The following NDST2 variants were observed in gnomAD, a reference collection of about 807,000 sequenced individuals.
The protein encoded by NDST2 is N-deacetylase and N-sulfotransferase 2.
In NDST2, 32 loss-of-function variants were observed where a neutral mutation model predicts 86.9. That is an observed-to-expected ratio of 0.37 (90% CI 0.28 to 0.49). The LOEUF (loss-of-function observed/expected upper bound fraction) is 0.49. Among genes scored for constraint, NDST2 ranks in the 20% least tolerant of loss-of-function variants. The pLI is 0.97. For synonymous variants in NDST2, 409 were observed against 437.0 expected (o/e 0.94, Z 0.80); for missense variants, 950 against 1,146.9 (o/e 0.83, Z 2.48).
Position 73,802,654 on chromosome 10 carries a change from C to CA in NDST2, c.2526+19_2526+20insT. On this transcript the variant is annotated intron_variant, in intron 14 of 14. Transcript: ENST00000309979. ...ATCCTGGAAGTGGAGAGGGATTCCC[C>CA]TGCCCCTGGCTTTACTTACCTCAGT... The CA allele has an allele frequency of 6.2e-7, 1 of 1,614,122 alleles. No individual in the cohort carries two copies. Among genetic ancestry groups the CA allele is most frequent in the Non-Finnish European group, 8.5e-7 (1 of 1,179,948 alleles).
intron 14 of NDST2, 29 bp from the exon 15 acceptor site, chr10:73,802,605 G>GT: frequency 1.9e-6 from 3 of 1,614,212 alleles, no homozygotes; most frequent in Non-Finnish European, 2.5e-6. Context: ...GGCAGAAATG[G>GT]TAAGAAGTGG....
chr10:73,804,370 G>T (rs1044844644), intron 9 of NDST2, among the ~76,000 whole-genome samples: 2 of 152,190 alleles, frequency 1.3e-5, no homozygotes, highest in African/African-American at 4.8e-5. Flanking sequence ...GCCGGGTGCG[G>T]TGGCTCATGC....
At chr10:73,805,874 T>C (rs2084093469) in intron 7 of NDST2, 26 bp downstream of exon 7, 1 of 1,614,062 alleles carries the variant, frequency 6.2e-7, no homozygotes, top group African/African-American at 1.3e-5. Flanking sequence ...TCTCCAATCT[T>C]CTAGCCGTTC....
Position 73,802,098 on chromosome 10 carries a change from G to A in NDST2, c.*353C>T. 2.6e-6 allele frequency: 1 copy of A among 383,300 alleles called. No individual in the cohort carries two copies. The highest frequency in any genetic ancestry group is 6.2e-5 in the East Asian group (1 of 16,222). 23.7% of individuals were successfully genotyped at this position (383,300 alleles called of 1,614,324 possible). A position where few individuals can be genotyped will look rare whatever the true frequency, so the allele number is the denominator to read the frequency against. The stretch of plus-strand genomic sequence containing the variant: ...GCAAGGGGTCCCTCCCATGCAAGGG[G>A]TCTCTCCCATAGCCAGGTATAGAAT... On this transcript the variant is annotated 3_prime_UTR_variant, in exon 15 of 15. Coordinates refer to ENST00000309979, the MANE Select transcript of NDST2 (RefSeq NM_003635.4).
chr10:73,805,560 T>G (rs1565097284), intron 8 of NDST2, 27 bp downstream of exon 8: 1 of 1,610,500 alleles, frequency 6.2e-7, no homozygotes, highest in Non-Finnish European at 8.5e-7. Flanking sequence ...CTATCATGTC[T>G]CTCATCAGAC....
Position 73,802,159 on chromosome 10 carries a change from T to G in NDST2, c.*292A>C, listed in dbSNP as rs1332820113. On this transcript the variant is annotated 3_prime_UTR_variant, in exon 15 of 15. Coordinates refer to ENST00000309979, the MANE Select transcript of NDST2 (RefSeq NM_003635.4). ...CTGCGGATGAAGAGGGAAATCTCAT[T>G]GGACTAATACATTCCCCTACACCCT... is the stretch of plus-strand genomic sequence containing the variant. 5 of 505,500 alleles carry G rather than the reference T, an allele frequency of 9.9e-6. No individual in the cohort carries two copies. Among genetic ancestry groups the G allele is most frequent in the Non-Finnish European group, 1.8e-5 (5 of 282,086 alleles). The allele number at this position is 505,500 out of a possible 1,614,324, so 31.3% of individuals were successfully genotyped here. A position where few individuals can be genotyped will look rare whatever the true frequency, so the allele number is the denominator to read the frequency against.
In NDST2 at chr10:73,806,105, G is replaced by A; in HGVS notation, c.1435-77C>T. ...GATGGAGGACACTGGGATTTATAGA[G>A]GACTGAGTCTGAAGTTATAGCAATA... On this transcript the variant is annotated intron_variant, in intron 6 of 14. Coordinates refer to ENST00000309979, the MANE Select transcript of NDST2 (RefSeq NM_003635.4). This position sits in a 1 kb window ranked among gnomAD's most constrained non-coding sequence, Gnocchi z 4.5. 6.4e-7 allele frequency: 1 copy of A among 1,574,620 alleles called. No homozygotes were observed.
Position 73,806,527 on chromosome 10 carries a change from G to A in NDST2, c.1249-53C>T. ...ACCTGGTGAGGTTTGGGGAGTAGAG[G>A]GTAAAGAGGGTGGGGAAGCCTCCAA... On this transcript the variant is annotated intron_variant, in intron 5 of 14. Coordinates refer to ENST00000309979, the MANE Select transcript of NDST2 (RefSeq NM_003635.4). This position sits in a 1 kb window ranked among gnomAD's most constrained non-coding sequence, Gnocchi z 4.5. The A allele has an allele frequency of 6.4e-7, 1 of 1,552,798 alleles. No individual in the cohort carries two copies. The highest frequency in any genetic ancestry group is 8.7e-7 in the Non-Finnish European group (1 of 1,145,104).
Position 73,805,726 on chromosome 10 carries a change from C to A in NDST2, c.1607G>T (p.Arg536Leu). 6.2e-7 allele frequency: 1 copy of A among 1,614,164 alleles called. No individual in the cohort carries two copies. Among genetic ancestry groups the A allele is most frequent in the Non-Finnish European group, 8.5e-7 (1 of 1,180,028 alleles). ...MTHLSNYGND[R>L]LGLYTFESLV... ...GCTCTCAAAGGTGTATAGGCCCAGC[C>A]GGTCATTTCCATAATTGGACAGATG... is the stretch of plus-strand genomic sequence containing the variant. Residue 536 changes from arginine to leucine, a missense_variant, in exon 8 of 15, where the codon CGG (arginine) becomes CTG (leucine). This residue lies in a region of NDST2 where 586 missense variants were observed against 714.0 expected (regional missense o/e 0.82). Transcript: ENST00000309979.
Position 73,807,599 on chromosome 10 carries a change from T to A in NDST2, c.790A>T (p.Thr264Ser), listed in dbSNP as rs760402064. 58 of 1,614,062 alleles carry A rather than the reference T, an allele frequency of 3.6e-5. No homozygotes were observed. Among genetic ancestry groups the A allele is most frequent in the Non-Finnish European group, 4.9e-5 (58 of 1,180,004 alleles). The stretch of plus-strand genomic sequence containing the variant: ...TGAAGCCCCAGGTCCTGTACCACAG[T>A]GGGAAGCCGGGCCCGACGAAGAACT... ...GPVLRRARLP[T>S]VVQDLGLHDG... Residue 264 changes from threonine (T) to serine (S), a missense_variant, in exon 3 of 15, where the codon ACT becomes TCT. Thr to Ser is a moderately conservative substitution (Grantham distance 58, BLOSUM62 1). This residue lies in a region of NDST2 where 586 missense variants were observed against 714.0 expected (regional missense o/e 0.82). Transcript: ENST00000309979.
At position 73,805,768 on chromosome 10, in the gene NDST2, A is replaced by G; in HGVS notation, c.1565T>C (p.Ile522Thr). ...ELFLTVLLNP[I>T]SIFMTHLSNY... is the part of the protein sequence containing the mutation. ...GGACAGATGGGTCATAAAGATGCTG[A>G]TCTGTAAGGGGTACCTGCATGTCAG... The change falls in exon 8 of 15, where the codon ATC becomes ACC. Residue 522 changes from isoleucine to threonine, a missense_variant and splice_region_variant. Coordinates refer to ENST00000309979, the MANE Select transcript of NDST2 (RefSeq NM_003635.4). 1 of 1,614,176 alleles carries G rather than the reference A, an allele frequency of 6.2e-7. No individual in the cohort carries two copies. The highest frequency in any genetic ancestry group is 8.5e-7 in the Non-Finnish European group (1 of 1,180,034).
intron 2 of NDST2, 67 bp downstream of exon 2, chr10:73,810,732 G>A (rs1368084994): frequency 2.5e-6 from 1 of 398,092 alleles, no homozygotes; most frequent in Non-Finnish European, 4.4e-6. Flanking sequence ...AGCCCTAAGA[G>A]GTAGGGAAAA....
Position 73,802,247 on chromosome 10 carries a change from T to G in NDST2, c.*204A>C. Reference sequence around the variant, plus strand: ...ATGGGTCAAAGGTACCTAGCACTATTATGTGGGGTACCAAAGGAAGCCCCT... The same window carrying G: ...ATGGGTCAAAGGTACCTAGCACTATGATGTGGGGTACCAAAGGAAGCCCCT... On this transcript the variant is annotated 3_prime_UTR_variant, in exon 15 of 15. Coordinates refer to ENST00000309979, the MANE Select transcript of NDST2 (RefSeq NM_003635.4). The G allele has an allele frequency of 3.2e-6, 2 of 616,718 alleles. No homozygotes were observed. The highest frequency in any genetic ancestry group is 5.7e-6 in the Non-Finnish European group (2 of 352,748). The allele number at this position is 616,718 out of a possible 1,614,324, so 38.2% of individuals were successfully genotyped here. A position where few individuals can be genotyped will look rare whatever the true frequency, so the allele number is the denominator to read the frequency against.
At chr10:73,805,230 C>T (rs926207893) in intron 8 of NDST2, among the ~76,000 whole-genome samples, 6 of 151,688 alleles carry the variant, frequency 4.0e-5, no homozygotes, top group Admixed American at 6.6e-5. Flanking sequence ...ACCCCCACCC[C>T]GGCTGGGCGC....
rs2084117238 is a variant in NDST2, at chr10:73,807,136, C to G, written c.1065G>C (p.Leu355Phe). 6.2e-7 allele frequency: 1 copy of G among 1,613,698 alleles called. No homozygotes were observed. Among genetic ancestry groups the G allele is most frequent in the South Asian group, 1.1e-5 (1 of 91,028 alleles). The change falls in exon 4 of 15, where the codon TTG becomes TTC. Residue 355 changes from leucine (L) to phenylalanine (F), a missense_variant. Around this residue, in one of 5 missense-constraint regions of NDST2, gnomAD observed 586 missense variants for 714.0 expected, o/e 0.82. Transcript: ENST00000309979. ...RTLVPNFTFNLGFSGKFYHTG... is the reference protein window; with the variant it reads ...RTLVPNFTFNFGFSGKFYHTG... ...TATGATAGAACTTGCCCGAGAAGCC[C>G]AAGTTGAAGGTGAAGTTGGGAACTA...
Position 73,806,633 on chromosome 10 carries a change from G to C in NDST2, c.1248+24C>G. 6.2e-7 allele frequency: 1 copy of C among 1,603,468 alleles called. No homozygotes were observed. Among genetic ancestry groups the C allele is most frequent in the Non-Finnish European group, 8.5e-7 (1 of 1,171,046 alleles). On this transcript the variant is annotated intron_variant, in intron 5 of 14. Transcript: ENST00000309979. This position sits in a 1 kb window ranked among gnomAD's most constrained non-coding sequence, Gnocchi z 4.5. ...AGGAAGCATGGCTGGGAGAAATTAT[G>C]GGGAAGAGATCCAAGGGTCTCACCA...
rs765567030 is a variant in NDST2, at chr10:73,803,726, G to A, written c.1990C>T (p.Pro664Ser). 1 of 1,614,154 alleles carries A rather than the reference G, an allele frequency of 6.2e-7. No individual in the cohort carries two copies. The highest frequency in any genetic ancestry group is 1.7e-5 in the Admixed American group (1 of 60,018). ...IDWYMDFFPV[P>S]SNASTDFLFE... ...AGGAAATCAGTGCTGGCATTGGAAG[G>A]AACAGGGAAGAAATCCATGTACCTA... The change falls in exon 11 of 15, where the codon CCT becomes TCT. Residue 664 changes from proline (P) to serine (S), a missense_variant. Coordinates refer to ENST00000309979, the MANE Select transcript of NDST2 (RefSeq NM_003635.4).
rs987414028 is a variant in NDST2, at chr10:73,810,870, C to T, written c.-413G>A. 1.3e-5 allele frequency: 5 copies of T among 399,056 alleles called. No individual in the cohort carries two copies. The highest frequency in any genetic ancestry group is 2.2e-5 in the Non-Finnish European group (5 of 226,122). 24.7% of individuals were successfully genotyped at this position (399,056 alleles called of 1,614,324 possible). A position where few individuals can be genotyped will look rare whatever the true frequency, so the allele number is the denominator to read the frequency against. ...ACGTCAGGCCTGTCAAGCTCCAGAGCCGCGTTCTTAGCCGCTGCATTTTAG... is the reference window on the plus strand; with the variant it reads ...ACGTCAGGCCTGTCAAGCTCCAGAGTCGCGTTCTTAGCCGCTGCATTTTAG... On this transcript the variant is annotated 5_prime_UTR_variant, in exon 2 of 15. Transcript: ENST00000309979.
chr10:73,802,732 C>A lies in NDST2; in HGVS notation c.2468G>T (p.Gly823Val). ...KGFWCQGLEG[G>V]KTRCLGRSKG... Reference sequence around the variant, plus strand: ...GCTCCGGCCTAGACAGCGAGTCTTACCACCTTCAAGTCCCTGGCACCAAAA... The same window carrying A: ...GCTCCGGCCTAGACAGCGAGTCTTAACACCTTCAAGTCCCTGGCACCAAAA... The change falls in exon 14 of 15, where the codon GGT (glycine) becomes GTT (valine). Residue 823 changes from glycine to valine, a missense_variant. Physicochemically the swap from Gly to Val is moderately radical, Grantham distance 109. Transcript: ENST00000309979. 2.5e-6 allele frequency: 4 copies of A among 1,614,180 alleles called. No individual in the cohort carries two copies. Among genetic ancestry groups the A allele is most frequent in the Non-Finnish European group, 2.5e-6 (3 of 1,180,034 alleles).
Sources: gnomAD v4.1 joint callset for allele counts (sites outside exome capture counted in the v4.1 genomes callset) on GRCh38, gnomAD v4.1.1 for gene constraint, gnomAD v4.1.1 regional missense constraint, Gnocchi (gnomAD v3.1) non-coding constraint, MANE v1.5 for transcripts, NCBI Gene and HGNC (gene_info 2026-07-23, HGNC 2026-07-21) for gene names.